GPR143: variants seen among roughly 807,000 people sequenced by gnomAD.
GPR143 encodes G protein-coupled receptor 143.
In GPR143, 8 loss-of-function variants were observed where a neutral mutation model predicts 27.6. That is an observed-to-expected ratio of 0.29 (90% confidence interval 0.17 to 0.52). The LOEUF (loss-of-function observed/expected upper bound fraction) is 0.52. Ranked by LOEUF, GPR143 falls within the 20% of genes least tolerant of loss-of-function variation. The probability of loss-of-function intolerance (pLI) is 0.96; values close to 1 mark genes in which losing one functional copy is unlikely to be tolerated. For synonymous variants in GPR143, 156 were observed against 153.2 expected (o/e 1.02, Z -0.13); for missense variants, 303 against 343.1 (o/e 0.88, Z 0.92).
chrX:9,741,205 C>T, intron 7 of GPR143, 133 bp downstream of exon 7: 1 of 423,426 alleles, frequency 2.4e-6, no homozygotes, highest in Admixed American at 3.8e-5. Context: ...ATTGCTTGAG[C>T]CCAGGAGTTT....
chrX:9,726,512 T>A (rs1027086077), intron 8 of GPR143, among the ~76,000 whole-genome samples: 1 of 112,082 alleles, frequency 8.9e-6, no homozygotes, highest in Non-Finnish European at 1.9e-5. Context: ...TTTCTGATTG[T>A]GACCCTAGAT....
intron 4 of GPR143, among the ~76,000 whole-genome samples, chrX:9,747,092 T>C (rs1274946447): frequency 9.7e-6 from 1 of 103,128 alleles, no homozygotes. Flanking sequence ...AGAATTACTA[T>C]ACCACCTCTC....
chrX:9,765,701 G>C lies in GPR143; in HGVS notation c.117C>G (p.Leu39=), dbSNP rs1277650788. The C allele has an allele frequency of 2.4e-5, 27 of 1,109,102 alleles. No homozygotes were observed. The highest frequency in any genetic ancestry group is 2.9e-5 in the Non-Finnish European group (25 of 850,174). 91.4% of individuals were successfully genotyped at this position (1,109,102 alleles called of 1,213,427 possible). ...FHALCLGSGG[L]RLALGLLQLL... ...GCTGCAGAAGGCCCAGCGCCAAGCG[G>C]AGCCCGCCGCTGCCCAGGCAGAGCG... The change falls in exon 1 of 9, where the codon CTC becomes CTG. Residue 39 remains leucine (L), a synonymous_variant. Coordinates refer to ENST00000467482, the MANE Select transcript of GPR143 (RefSeq NM_000273.3).
At chrX:9,773,156 T>G (rs992506221) in intron 1 of GPR143, among the ~76,000 whole-genome samples, 2 of 111,874 alleles carry the variant, frequency 1.8e-5, no homozygotes, top group Admixed American at 1.9e-4. Flanking sequence ...GCATGCATAA[T>G]TCTACACGCC....
At chrX:9,758,830 G>C (rs962023340) in intron 3 of GPR143, among the ~76,000 whole-genome samples, 9 of 111,459 alleles carry the variant, frequency 8.1e-5, no homozygotes, top group Non-Finnish European at 3.8e-5. Flanking sequence ...TGAGGCTGCA[G>C]TGAACCATAC....
intron 3 of GPR143, among the ~76,000 whole-genome samples, chrX:9,750,957 G>A (rs1367710019): frequency 2.7e-5 from 3 of 112,583 alleles, no homozygotes; most frequent in Non-Finnish European, 5.6e-5. Flanking sequence ...CACAGCACTC[G>A]CCAGGTGCTC....
chrX:9,741,140 C>T, intron 7 of GPR143, 198 bp downstream of exon 7: 1 of 332,069 alleles, frequency 3.0e-6, no homozygotes, highest in Admixed American at 5.3e-5. Context: ...CCTACATTGC[C>T]CAGGGTGGAG....
intron 8 of GPR143, 53 bp downstream of exon 8, chrX:9,739,431 CA>C (rs1776713551): frequency 1.1e-6 from 1 of 895,592 alleles, no homozygotes; most frequent in Admixed American, 2.5e-5. Flanking sequence ...TAAGGCTTTC[CA>C]AGGGGAGCCC....
At chrX:9,767,029 C>T (rs985188388), upstream of GPR143, among the ~76,000 whole-genome samples, 1 of 110,294 alleles carries the variant, frequency 9.1e-6, no homozygotes. Flanking sequence ...CATTTTGCAC[C>T]TTAACTTTCA....
chrX:9,743,637 G>A lies in GPR143; in HGVS notation c.695C>T (p.Thr232Met), dbSNP rs137852297. The A allele has an allele frequency of 8.5e-6, 10 of 1,178,058 alleles. No homozygotes were observed. Among genetic ancestry groups the A allele is most frequent in the South Asian group, 7.1e-5 (4 of 56,131 alleles). ...SLLKGRQGIY[T>M]ENERRMGAVI... ...GGCTCCCATCCTCCTCTCGTTCTCC[G>A]TGTAAATGCCTTGTCTTCCTTTAAG... Residue 232 changes from threonine (T) to methionine (M), a missense_variant, in exon 6 of 9, where the codon ACG becomes ATG. Coordinates refer to ENST00000467482, the MANE Select transcript of GPR143 (RefSeq NM_000273.3).
intron 8 of GPR143, among the ~76,000 whole-genome samples, chrX:9,727,471 C>A (rs1020668691): frequency 1.2e-4 from 13 of 113,032 alleles, no homozygotes; most frequent in African/African-American, 3.9e-4. Context: ...GCTGGGTGGG[C>A]AGGCCATCTC....
chrX:9,733,764 A>G (rs2083365977), intron 8 of GPR143, among the ~76,000 whole-genome samples: 1 of 111,640 alleles, frequency 9.0e-6, no homozygotes, highest in African/African-American at 3.3e-5. Flanking sequence ...GAACTGTAGG[A>G]GAGACAGATT....
intron 1 of GPR143, among the ~76,000 whole-genome samples, chrX:9,772,648 C>T (rs1366812967): frequency 9.2e-6 from 1 of 108,199 alleles, no homozygotes; most frequent in African/African-American, 3.4e-5. Flanking sequence ...CTCATCTCTA[C>T]TAAAATTCAA....
rs928112741 is a variant in GPR143 at position 9,763,096 on chromosome X, T to A, written c.251-2270A>T. 9.1e-5 allele frequency among the ~76,000 whole-genome samples: 10 copies of A among 109,344 alleles called. No individual in the cohort carries two copies. In the East Asian group the frequency reaches 2.6e-3, roughly 28 times the overall value. 95.0% of individuals were successfully genotyped at this position (109,344 alleles called of 115,157 possible). On this transcript the variant is annotated intron_variant, in intron 1 of 8. Transcript: ENST00000467482. Reference sequence around the variant, plus strand: ...GCATCCCACCATGACGGGCCTTTTTTTTGTTGTTTTTTTTTTCTTGGGGGT... The same window carrying A: ...GCATCCCACCATGACGGGCCTTTTTATTGTTGTTTTTTTTTTCTTGGGGGT...
intron 6 of GPR143, 123 bp downstream of exon 6, chrX:9,743,442 C>G: frequency 1.9e-6 from 1 of 518,405 alleles, no homozygotes; most frequent in South Asian, 2.6e-5. Context: ...AGCACAGTCT[C>G]AAAGATTTCC....
At position 9,725,580 on chromosome X, in the gene GPR143, C is replaced by T; in HGVS notation, c.*166G>A. ...CACGTGTGTGCATGAACCCTTTCTC[C>T]TATCCTAAAGGCCCTTCGGGAAGAA... is the stretch of plus-strand genomic sequence containing the variant. On this transcript the variant is annotated 3_prime_UTR_variant, in exon 9 of 9. Transcript: ENST00000467482. 1 of 454,047 alleles carries T rather than the reference C, an allele frequency of 2.2e-6. No individual in the cohort carries two copies. The highest frequency in any genetic ancestry group is 3.9e-6 in the Non-Finnish European group (1 of 257,317). The allele number at this position is 454,047 out of a possible 1,213,427, so 37.4% of individuals were successfully genotyped here.
intron 1 of GPR143, among the ~76,000 whole-genome samples, chrX:9,777,788 C>CT (rs1374920989): frequency 6.0e-5 from 4 of 66,972 alleles, no homozygotes; most frequent in Non-Finnish European, 1.2e-4. Flanking sequence ...GACTCCATCT[C>CT]TTTAAAAAAA....
chrX:9,760,718 G>A lies in GPR143; in HGVS notation c.359C>T (p.Ala120Val), dbSNP rs751622915. The A allele has an allele frequency of 3.0e-5, 34 of 1,120,467 alleles. No individual in the cohort carries two copies. In the South Asian group the frequency reaches 3.6e-4, roughly 12 times the overall value. The allele number at this position is 1,120,467 out of a possible 1,213,427, so 92.3% of individuals were successfully genotyped here. A position where few individuals can be genotyped will look rare whatever the true frequency, so the allele number is the denominator to read the frequency against. The change falls in exon 2 of 9, where the codon GCG becomes GTG. Residue 120 changes from alanine (A) to valine (V), a missense_variant and splice_region_variant. By Grantham distance (64) the Ala-to-Val change is moderately conservative. Coordinates refer to ENST00000467482, the MANE Select transcript of GPR143 (RefSeq NM_000273.3). ...IWPAAFCVGS[A>V]MWIQLLYSAC... ...GGCATGCAGAGGGGGTGGACTCACC[G>A]CACTCCCCACGCAGAAAGCAGCAGG...
Position 9,730,612 on chromosome X carries a change from G to A in GPR143, c.1121-4772C>T, listed in dbSNP as rs146822637. Among the ~76,000 whole-genome samples, 811 of 111,959 alleles carry A rather than the reference G, an allele frequency of 7.2e-3. 4 individuals are homozygous for A. Among genetic ancestry groups the A allele is most frequent in the African/African-American group, 0.025 (768 of 30,781 alleles). ...TCTCAGGGTGCTACTTGGAGAACAG[G>A]CTGCTGAAAAAATTCTGTGTATGCA... On this transcript the variant is annotated intron_variant, in intron 8 of 8. Transcript: ENST00000467482.
Sources: allele counts gnomAD v4.1 joint callset (sites outside exome capture counted in the v4.1 genomes callset), GRCh38; gene constraint gnomAD v4.1.1; transcripts MANE v1.5; gene names NCBI Gene and HGNC (gene_info 2026-07-23, HGNC 2026-07-21).